The following SYN3 variants were observed in gnomAD, a reference collection of about 807,000 sequenced individuals.
The protein encoded by SYN3 is synapsin III, also known as synapsin-3.
Under a neutral mutation model 65.8 loss-of-function variants are expected in SYN3, and 35 were observed. That is an observed-to-expected ratio of 0.53 (90% CI 0.41 to 0.70). The LOEUF is 0.70. SYN3 is among the 30% of genes least tolerant of loss of function. SYN3 has a pLI of 0.00. For synonymous variants in SYN3, 270 were observed against 292.9 expected (o/e 0.92, Z 0.80); for missense variants, 680 against 749.0 (o/e 0.91, Z 1.08).
At chr22:32,956,283 G>A (rs949543355) in intron 3 of SYN3, among the ~76,000 whole-genome samples, 23 of 151,388 alleles carry the variant, frequency 1.5e-4, no homozygotes, top group Non-Finnish European at 2.9e-4. Context: ...AGCCTCCCAA[G>A]TAGCTAGGAT....
intron 7 of SYN3, chr22:32,584,158 T>G (rs1445973991): frequency 6.6e-6 from 1 of 152,246 alleles, no homozygotes; most frequent in East Asian, 1.9e-4. Flanking sequence ...TCCTCCTGTT[T>G]CCTTGTTTGG....
At chr22:32,608,966 T>C (rs1283158386) in intron 6 of SYN3, among the ~76,000 whole-genome samples, 1 of 152,218 alleles carries the variant, frequency 6.6e-6, no homozygotes, top group African/African-American at 2.4e-5. Context: ...TCTTCTTCTT[T>C]TTTTTAAAGT....
chr22:32,687,655 C>G (rs370116071), intron 6 of SYN3, among the ~76,000 whole-genome samples: 2 of 152,104 alleles, frequency 1.3e-5, no homozygotes, highest in African/African-American at 4.8e-5. Flanking sequence ...GCTCCACTCC[C>G]GCCTCCCTCT....
At position 32,597,204 on chromosome 22, in the gene SYN3, C is replaced by CTTT. The variant is rs6147592; in HGVS notation, c.712-471_712-469dup. ...GCATACTCCTGTCTTACATTATTCT[C>CTTT]TTTTTTTTTTTTTTTTTTTTTTTTT... On this transcript the variant is annotated intron_variant, in intron 6 of 13. Transcript: ENST00000358763. 3.2e-3 allele frequency among the ~76,000 whole-genome samples: 280 copies of CTTT among 87,370 alleles called. 24 individuals are homozygous for CTTT. Among genetic ancestry groups the CTTT allele is most frequent in the Middle Eastern group, 0.013 (1 of 78 alleles). 57.3% of individuals were successfully genotyped at this position (87,370 alleles called of 152,430 possible). A position where few individuals can be genotyped will look rare whatever the true frequency, so the allele number is the denominator to read the frequency against.
At chr22:33,033,547 C>T (rs189639879) in intron 1 of SYN3, among the ~76,000 whole-genome samples, 1 of 152,102 alleles carries the variant, frequency 6.6e-6, no homozygotes, top group Non-Finnish European at 1.5e-5. Flanking sequence ...TGTCAGACTC[C>T]CCCATGGAAT....
chr22:32,971,785 A>G lies in SYN3; in HGVS notation c.369+8860T>C, dbSNP rs2052028488. ...CTCTGGAAAGCAGACCCTGGGATGG[A>G]TATTAGCCTGGGGGGAGGTTTATTA... On this transcript the variant is annotated intron_variant, in intron 3 of 13. Coordinates refer to ENST00000358763, the MANE Select transcript of SYN3 (RefSeq NM_003490.4). Among the ~76,000 whole-genome samples the G allele has an allele frequency of 2.0e-5, 3 of 152,292 alleles. No individual in the cohort carries two copies. The South Asian group carries it at 6.2e-4, about 32-fold the overall frequency.
intron 4 of SYN3, among the ~76,000 whole-genome samples, chr22:32,914,438 GTTT>G (rs137545): frequency 1.0e-4 from 12 of 119,604 alleles, no homozygotes; most frequent in East Asian, 2.5e-4. Context: ...ATCATGTGGA[GTTT>G]TTTTTTTTTT....
chr22:32,515,766 TA>T (rs1161218231), intron 13 of SYN3, among the ~76,000 whole-genome samples: 1 of 151,888 alleles, frequency 6.6e-6, no homozygotes, highest in Non-Finnish European at 1.5e-5. Context: ...TATACAGCCA[TA>T]AAAAATAAAA....
At chr22:32,840,573 G>A (rs552556413) in intron 6 of SYN3, among the ~76,000 whole-genome samples, 116 of 151,938 alleles carry the variant, frequency 7.6e-4, no homozygotes, top group African/African-American at 2.5e-3. Flanking sequence ...GCGGGAGATC[G>A]GCTCTGGCTT....
intron 6 of SYN3, among the ~76,000 whole-genome samples, chr22:32,794,329 C>T (rs1228245228): frequency 1.3e-5 from 2 of 152,122 alleles, no homozygotes; most frequent in Admixed American, 6.5e-5. Flanking sequence ...AGTCCTCTAG[C>T]CTATGTGACA....
chr22:32,540,249 T>G (rs780794476), intron 8 of SYN3, among the ~76,000 whole-genome samples: 1 of 152,164 alleles, frequency 6.6e-6, no homozygotes, highest in Non-Finnish European at 1.5e-5. Flanking sequence ...AGGCAATCCA[T>G]AAATGGGCGT....
chr22:32,912,555 C>A (rs8142025), intron 4 of SYN3, among the ~76,000 whole-genome samples: 2,882 of 151,956 alleles, frequency 0.019, 105 homozygotes, highest in African/African-American at 0.066. Context: ...CCCATCTCTA[C>A]TAAAAATAAT....
chr22:32,972,333 T>C (rs1172773511), intron 3 of SYN3, among the ~76,000 whole-genome samples: 4 of 152,224 alleles, frequency 2.6e-5, no homozygotes, highest in Non-Finnish European at 4.4e-5. Context: ...GGTCTGCATA[T>C]ACTCTCATGG....
At chr22:33,055,581 T>A (rs1243727206) in intron 1 of SYN3, among the ~76,000 whole-genome samples, 1 of 151,982 alleles carries the variant, frequency 6.6e-6, no homozygotes, top group African/African-American at 2.4e-5. Flanking sequence ...CAATGTATGA[T>A]CCCCTGGAGT....
intron 12 of SYN3, chr22:32,518,566 A>G (rs1271705221): frequency 2.8e-5 from 19 of 675,002 alleles, no homozygotes; most frequent in African/African-American, 7.1e-5. Flanking sequence ...GTAATACTAA[A>G]TGACACAGGA....
At chr22:32,798,881 C>A in intron 6 of SYN3, among the ~76,000 whole-genome samples, 1 of 151,978 alleles carries the variant, frequency 6.6e-6, no homozygotes, top group East Asian at 1.9e-4. Context: ...TTAGTACAGA[C>A]GGGGTTTCAC....
intron 6 of SYN3, among the ~76,000 whole-genome samples, chr22:32,696,257 G>A (rs1569155510): frequency 6.6e-6 from 1 of 152,188 alleles, no homozygotes; most frequent in Admixed American, 6.5e-5. Context: ...TGGCCCAGAA[G>A]TGACATAGAT....
At chr22:33,044,073 G>C (rs2054014255) in intron 1 of SYN3, among the ~76,000 whole-genome samples, 1 of 151,496 alleles carries the variant, frequency 6.6e-6, no homozygotes, top group Non-Finnish European at 1.5e-5. Context: ...AAAGTGCATT[G>C]AACTATGCTT....
chr22:32,802,913 G>A (rs1215705902), intron 6 of SYN3, among the ~76,000 whole-genome samples: 1 of 152,134 alleles, frequency 6.6e-6, no homozygotes, highest in African/African-American at 2.4e-5. Flanking sequence ...AACCTGCCAA[G>A]GGTCACATCA....
Sources: gnomAD v4.1 joint callset for allele counts (sites outside exome capture counted in the v4.1 genomes callset) on GRCh38, gnomAD v4.1.1 for gene constraint, MANE v1.5 for transcripts, NCBI Gene and HGNC (gene_info 2026-07-23, HGNC 2026-07-21) for gene names.